The following GEN1 variants were observed in gnomAD, a reference collection of about 807,000 sequenced individuals.
GEN1 encodes the protein flap endonuclease GEN homolog 1.
GEN1 carries 64 observed loss-of-function variants against 67.6 expected under a neutral mutation model. The observed-to-expected ratio is 0.95, with a 90% CI of 0.77 to 1.17. The LOEUF (loss-of-function observed/expected upper bound fraction) is 1.17, where lower values mean the gene tolerates loss of function less well. Ranked by LOEUF, GEN1 falls within the 50% of genes most tolerant of loss-of-function variation. The probability of loss-of-function intolerance (pLI) is 0.00; values close to 1 mark genes in which losing one functional copy is unlikely to be tolerated. For missense variants in GEN1, 1,058 were observed against 1,048.3 expected (o/e 1.01, Z -0.13); for synonymous variants, 371 against 359.4 (o/e 1.03, Z -0.37).
rs1372017887 is a variant in GEN1 at position 17,784,527 on chromosome 2, G to A, written c.*2588G>A. ...CCTGTGCACAAATGTCCATAGCAGC[G>A]TTATTCATAATAGCCTAAAAGTGGA... On this transcript the variant is annotated 3_prime_UTR_variant, in exon 14 of 14. Coordinates refer to ENST00000381254, the MANE Select transcript of GEN1 (RefSeq NM_001130009.3). The A allele has an allele frequency of 1.1e-4, 16 of 152,084 alleles. No homozygotes were observed. The highest frequency in any genetic ancestry group is 1.9e-4 in the Non-Finnish European group (13 of 68,014). 9.4% of individuals were successfully genotyped at this position (152,084 alleles called of 1,614,324 possible).
chr2:17,761,238 A>G (rs1671661691), intron 2 of GEN1, among the ~76,000 whole-genome samples, 158 bp from the exon 3 acceptor site: 1 of 152,188 alleles, frequency 6.6e-6, no homozygotes. Context: ...AAAGAAAAAG[A>G]AAATTCAGTG....
At position 17,768,845 on chromosome 2, in the gene GEN1, A is replaced by G. The variant is rs150238933; in HGVS notation, c.710+34A>G. On this transcript the variant is annotated intron_variant, in intron 6 of 13. Coordinates refer to ENST00000381254, the MANE Select transcript of GEN1 (RefSeq NM_001130009.3). ...TAATTACTTTCTCTTGTGACATTGAACCTTTATTCTTGCTGAACTTAATAA... is the reference window on the plus strand; with the variant it reads ...TAATTACTTTCTCTTGTGACATTGAGCCTTTATTCTTGCTGAACTTAATAA... 550 of 1,296,556 alleles carry G rather than the reference A, an allele frequency of 4.2e-4. 3 individuals are homozygous for G. The East Asian group carries it at 0.012, about 29-fold the overall frequency. 80.3% of individuals were successfully genotyped at this position (1,296,556 alleles called of 1,614,324 possible). A position where few individuals can be genotyped will look rare whatever the true frequency, so the allele number is the denominator to read the frequency against.
At position 17,764,934 on chromosome 2, in the gene GEN1, T is replaced by C. The variant is rs770049577; in HGVS notation, c.386T>C (p.Val129Ala). The C allele has an allele frequency of 2.5e-6, 4 of 1,614,170 alleles. No homozygotes were observed. The South Asian group carries it at 4.4e-5, about 18-fold the overall frequency. ...HMLECLGIPW[V>A]QAAGEAEAMC... Reference sequence around the variant, plus strand: ...CTCGAATGCTTAGGAATCCCCTGGGTTCAGGCTGCTGGGGAAGCTGAAGCC... The same window carrying C: ...CTCGAATGCTTAGGAATCCCCTGGGCTCAGGCTGCTGGGGAAGCTGAAGCC... Residue 129 changes from valine (V) to alanine (A), a missense_variant, in exon 4 of 14, where the codon GTT becomes GCT. Transcript: ENST00000381254.
rs773371225 is a variant in GEN1 at position 17,760,040 on chromosome 2, C to T, written c.97C>T (p.Leu33Phe). ...GGKTIAVDLSLWVCEAQTVKK... is the reference protein window; with the variant it reads ...GGKTIAVDLSFWVCEAQTVKK... ...GAAAACCATTGCAGTTGATCTGAGT[C>T]TCTGGGTGTGTGAGGCACAGACAGT... Residue 33 changes from leucine to phenylalanine, a missense_variant, in exon 2 of 14, where the codon CTC becomes TTC. Coordinates refer to ENST00000381254, the MANE Select transcript of GEN1 (RefSeq NM_001130009.3). The T allele has an allele frequency of 6.2e-6, 10 of 1,613,948 alleles. No homozygotes were observed. In the South Asian group the frequency reaches 1.1e-4, roughly 18 times the overall value.
rs1033416313 is a variant in GEN1 at position 17,782,878 on chromosome 2, C to T, written c.*939C>T. On this transcript the variant is annotated 3_prime_UTR_variant, in exon 14 of 14. Transcript: ENST00000381254. ...TATTAAGTCATGCATTAATTTAGGT[C>T]GCACTCAAAAATTCTAGAGAGGCAT... is the stretch of plus-strand genomic sequence containing the variant. 7 of 151,894 alleles carry T rather than the reference C, an allele frequency of 4.6e-5. No homozygotes were observed. Among genetic ancestry groups the T allele is most frequent in the East Asian group, 1.9e-4 (1 of 5,202 alleles). 9.4% of individuals were successfully genotyped at this position (151,894 alleles called of 1,614,324 possible). A position where few individuals can be genotyped will look rare whatever the true frequency, so the allele number is the denominator to read the frequency against.
At chr2:17,771,527 T>C (rs1031211165) in intron 7 of GEN1, among the ~76,000 whole-genome samples, 1 of 152,158 alleles carries the variant, frequency 6.6e-6, no homozygotes, top group Non-Finnish European at 1.5e-5. Flanking sequence ...TTTCAAACTA[T>C]GATACCAAAT....
chr2:17,784,536 A>G lies in GEN1; in HGVS notation c.*2597A>G, dbSNP rs1462011812. ...AAATGTCCATAGCAGCGTTATTCAT[A>G]ATAGCCTAAAAGTGGAAACAATCCC... On this transcript the variant is annotated 3_prime_UTR_variant, in exon 14 of 14. Coordinates refer to ENST00000381254, the MANE Select transcript of GEN1 (RefSeq NM_001130009.3). 6.6e-6 allele frequency: 1 copy of G among 152,238 alleles called. No individual in the cohort carries two copies. Among genetic ancestry groups the G allele is most frequent in the African/African-American group, 2.4e-5 (1 of 41,458 alleles). The allele number at this position is 152,238 out of a possible 1,614,324, so 9.4% of individuals were successfully genotyped here.
chr2:17,757,737 CT>C (rs563000692), intron 1 of GEN1, among the ~76,000 whole-genome samples: 138 of 152,272 alleles, frequency 9.1e-4, no homozygotes, highest in African/African-American at 3.2e-3. Context: ...CAGAACAGTA[CT>C]TTTTAATTTG....
intron 1 of GEN1, 63 bp downstream of exon 1, chr2:17,754,408 A>C (rs922863268): frequency 6.6e-6 from 1 of 152,122 alleles, no homozygotes; most frequent in Non-Finnish European, 1.5e-5. Context: ...TCCTTTGACC[A>C]TCTGGCTTAC....
At position 17,781,559 on chromosome 2, in the gene GEN1, AT is replaced by A. The variant is rs1420427290; in HGVS notation, c.2348del (p.Met783SerfsTer8). 1.2e-6 allele frequency: 2 copies of A among 1,613,828 alleles called. No homozygotes were observed. The highest frequency in any genetic ancestry group is 2.7e-5 in the African/African-American group (2 of 74,946). On this transcript the variant is annotated frameshift_variant, in exon 14 of 14. Transcript: ENST00000381254. LOFTEE classifies it low-confidence loss of function (END_TRUNC). ...TTTAGATCATAGTAGAAAAGTTGAT[AT>A]GCAAACCACTCGGAAAATTTTAATG... ...TALDHSRKVD[M>X]QTTRKILMKK...
Position 17,778,321 on chromosome 2 carries a change from C to CATGTGTGT in GEN1, c.1264+259_1264+260insTGTGTGTA, listed in dbSNP as rs1558409363. Among the ~76,000 whole-genome samples, 43 of 21,068 alleles carry CATGTGTGT rather than the reference C, an allele frequency of 2.0e-3. 9 individuals are homozygous for CATGTGTGT. The highest frequency in any genetic ancestry group is 5.6e-3 in the African/African-American group (41 of 7,282). 13.8% of individuals were successfully genotyped at this position (21,068 alleles called of 152,430 possible). The stretch of plus-strand genomic sequence containing the variant: ...GTGTACATATATGTATATACACACA[C>CATGTGTGT]ACGTGTACATATATGTATACACACA... On this transcript the variant is annotated intron_variant, in intron 12 of 13. Transcript: ENST00000381254.
Position 17,785,557 on chromosome 2 carries a change from T to G in GEN1, c.*3618T>G, listed in dbSNP as rs1673029574. On this transcript the variant is annotated 3_prime_UTR_variant, in exon 14 of 14. Coordinates refer to ENST00000381254, the MANE Select transcript of GEN1 (RefSeq NM_001130009.3). The stretch of plus-strand genomic sequence containing the variant: ...ACTGCTTTGGGCTTTGTGTAATCAA[T>G]CTTAAGTCCTTGGCGGTTTTTCTTT... 1 of 149,176 alleles carries G rather than the reference T, an allele frequency of 6.7e-6. No homozygotes were observed. Among genetic ancestry groups the G allele is most frequent in the African/African-American group, 2.5e-5 (1 of 40,504 alleles). The allele number at this position is 149,176 out of a possible 1,614,324, so 9.2% of individuals were successfully genotyped here. A position where few individuals can be genotyped will look rare whatever the true frequency, so the allele number is the denominator to read the frequency against.
chr2:17,765,091 CT>C lies in GEN1; in HGVS notation c.525+23del. The C allele has an allele frequency of 6.2e-7, 1 of 1,610,442 alleles. No homozygotes were observed. Among genetic ancestry groups the C allele is most frequent in the Non-Finnish European group, 8.5e-7 (1 of 1,177,904 alleles). ...ATACAAAGGTGTTTATTTTCTTTCT[CT>C]TTTTCAGCATTTGTTTACGAACTAC... On this transcript the variant is annotated intron_variant, in intron 4 of 13. Coordinates refer to ENST00000381254, the MANE Select transcript of GEN1 (RefSeq NM_001130009.3).
At position 17,781,664 on chromosome 2, in the gene GEN1, C is replaced by CA; in HGVS notation, c.2455dup (p.Arg819LysfsTer10). ...GTTTGGGAAAGCTAAGTACACAACT[C>CA]AAAGAATGAAGCACAGTTCTCAAAA... is the stretch of plus-strand genomic sequence containing the variant. On this transcript the variant is annotated frameshift_variant, in exon 14 of 14. Coordinates refer to ENST00000381254, the MANE Select transcript of GEN1 (RefSeq NM_001130009.3). LOFTEE classifies it low-confidence loss of function (END_TRUNC). 6.2e-7 allele frequency: 1 copy of CA among 1,613,970 alleles called. No individual in the cohort carries two copies. Among genetic ancestry groups the CA allele is most frequent in the Non-Finnish European group, 8.5e-7 (1 of 1,179,930 alleles).
chr2:17,778,788 T>A (rs1171956231), intron 12 of GEN1, among the ~76,000 whole-genome samples: 1 of 150,982 alleles, frequency 6.6e-6, no homozygotes, highest in Non-Finnish European at 1.5e-5. Context: ...TTTTTTTTTT[T>A]AACCCTGCTT....
intron 1 of GEN1, 155 bp from the exon 2 acceptor site, chr2:17,759,774 G>A: frequency 1.8e-6 from 1 of 551,680 alleles, no homozygotes; most frequent in Non-Finnish European, 3.0e-6. Context: ...AACGTTTCAG[G>A]TGTTCTTAAT....
intron 5 of GEN1, among the ~76,000 whole-genome samples, chr2:17,768,436 C>T (rs1381975366): frequency 6.6e-6 from 1 of 151,990 alleles, no homozygotes; most frequent in Non-Finnish European, 1.5e-5. Context: ...AATGAAAGCC[C>T]TCTAAAATTA....
chr2:17,766,581 C>G lies in GEN1; in HGVS notation c.528C>G (p.Asp176Glu), dbSNP rs1228755692. The change falls in exon 5 of 14, where the codon GAC (aspartate) becomes GAG (glutamate). Residue 176 changes from aspartate to glutamate, a missense_variant and splice_region_variant. Transcript: ENST00000381254. ...VYRNFTMNTK[D>E]PHVDCYTMSS... ...AACTAAATCTGTTCTTTCTTTAGGA[C>G]CCACATGTTGACTGTTACACAATGT... 2.0e-6 allele frequency: 3 copies of G among 1,535,822 alleles called. No homozygotes were observed.
At chr2:17,761,631 C>T in intron 3 of GEN1, 49 bp downstream of exon 3, 1 of 1,258,602 alleles carries the variant, frequency 7.9e-7, no homozygotes, top group Non-Finnish European at 1.1e-6. Flanking sequence ...TTAAAGGGTG[C>T]ATTTTACTCT....
Sources: gnomAD v4.1 joint callset for allele counts (sites outside exome capture counted in the v4.1 genomes callset) on GRCh38, gnomAD v4.1.1 for gene constraint, MANE v1.5 for transcripts, NCBI Gene and HGNC (gene_info 2026-07-23, HGNC 2026-07-21) for gene names.